The following PFKFB1 variants were observed in gnomAD, a reference collection of about 807,000 sequenced individuals.
PFKFB1 encodes the protein 6-phosphofructo-2-kinase/fructose-2,6-bisphosphatase 1.
PFKFB1 carries 34 observed loss-of-function variants against 46.4 expected under a neutral mutation model. That is an observed-to-expected ratio of 0.73 (90% CI 0.56 to 0.98). The LOEUF (loss-of-function observed/expected upper bound fraction) is 0.98, where lower values mean the gene tolerates loss of function less well. Among genes scored for constraint, PFKFB1 ranks in the 50% least tolerant of loss-of-function variants. PFKFB1 has a pLI of 0.00. For missense variants in PFKFB1, 393 were observed against 376.3 expected (o/e 1.04, Z -0.37); for synonymous variants, 119 against 133.8 (o/e 0.89, Z 0.76).
intron 10 of PFKFB1, among the ~76,000 whole-genome samples, chrX:54,940,698 C>T (rs1209616109): frequency 4.5e-5 from 5 of 111,036 alleles, no homozygotes; most frequent in African/African-American, 6.6e-5. Context: ...TGTGAAGGAC[C>T]TCTTCAAGGA....
intron 1 of PFKFB1, among the ~76,000 whole-genome samples, chrX:54,988,465 A>T (rs1935160260): frequency 8.9e-6 from 1 of 111,864 alleles, no homozygotes; most frequent in South Asian, 3.7e-4. Context: ...CTTTGCAGAA[A>T]TTAATAAATT....
At chrX:54,973,671 G>A (rs1602214269) in intron 1 of PFKFB1, among the ~76,000 whole-genome samples, 1 of 111,148 alleles carries the variant, frequency 9.0e-6, no homozygotes, top group East Asian at 2.8e-4. Flanking sequence ...TCTTAATCCT[G>A]AGTTCTAGTT....
At chrX:54,962,453 G>C (rs1368213045) in intron 2 of PFKFB1, among the ~76,000 whole-genome samples, 1 of 112,381 alleles carries the variant, frequency 8.9e-6, no homozygotes, top group African/African-American at 3.2e-5. Flanking sequence ...ACTCCTCAAG[G>C]ACAGGGTGTG....
At chrX:54,962,998 G>C (rs893690066) in intron 2 of PFKFB1, among the ~76,000 whole-genome samples, 1 of 112,355 alleles carries the variant, frequency 8.9e-6, no homozygotes, top group Non-Finnish European at 1.9e-5. Context: ...TGAGGTCATG[G>C]AACTTCTTGA....
chrX:54,994,993 A>C, upstream of PFKFB1: 1 of 257,030 alleles, frequency 3.9e-6, no homozygotes, highest in Non-Finnish European at 5.4e-6. Flanking sequence ...AAAGTTCCTC[A>C]TGCCAAGCTA....
At chrX:54,956,708 C>T (rs942513947) in intron 6 of PFKFB1, among the ~76,000 whole-genome samples, 2 of 110,465 alleles carry the variant, frequency 1.8e-5, no homozygotes, top group Admixed American at 9.7e-5. Flanking sequence ...CCAATACCCA[C>T]GTCTCCTCCC....
chrX:54,933,950 T>A (rs1271067734), intron 12 of PFKFB1, 65 bp from the exon 13 acceptor site: 1 of 851,468 alleles, frequency 1.2e-6, no homozygotes, highest in East Asian at 3.1e-5. Flanking sequence ...CCCTGAGGTA[T>A]CACCTCCCCT....
At chrX:54,996,239 T>A (rs1380195100), upstream of PFKFB1, among the ~76,000 whole-genome samples, 1 of 112,301 alleles carries the variant, frequency 8.9e-6, no homozygotes, top group Non-Finnish European at 1.9e-5. Context: ...TCTGTTAATA[T>A]TAATAATCTT....
In PFKFB1 at chrX:54,974,056, T is replaced by C. The variant is rs773937219; in HGVS notation, c.98-10674A>G. ...TGTCTATTCTCCCCAAAGTGACCTA[T>C]ATACGTAACACAATACCAATAAAAA... is the stretch of plus-strand genomic sequence containing the variant. On this transcript the variant is annotated intron_variant, in intron 1 of 13. Transcript: ENST00000375006. Among the ~76,000 whole-genome samples, 3 of 111,565 alleles carry C rather than the reference T, an allele frequency of 2.7e-5. No individual in the cohort carries two copies. In the East Asian group the frequency reaches 8.5e-4, roughly 31 times the overall value.
At chrX:54,938,443 G>C (rs1450830133) in intron 10 of PFKFB1, among the ~76,000 whole-genome samples, 4 of 111,684 alleles carry the variant, frequency 3.6e-5, no homozygotes, top group Non-Finnish European at 7.5e-5. Flanking sequence ...AAAAGATACA[G>C]ACTGGCAAAT....
intron 1 of PFKFB1, among the ~76,000 whole-genome samples, chrX:54,968,362 C>A (rs1366957054): frequency 9.5e-6 from 1 of 105,393 alleles, no homozygotes; most frequent in East Asian, 3.1e-4. Flanking sequence ...GGGAGATATA[C>A]CTAATGATAG....
At chrX:54,943,757 T>A (rs754121569) in intron 10 of PFKFB1, among the ~76,000 whole-genome samples, 5 of 103,185 alleles carry the variant, frequency 4.8e-5, no homozygotes, top group South Asian at 8.2e-4. Flanking sequence ...TCTCAAAAAA[T>A]AAATAAATAA....
At chrX:54,989,574 C>A (rs1935189963) in intron 1 of PFKFB1, among the ~76,000 whole-genome samples, 1 of 112,025 alleles carries the variant, frequency 8.9e-6, no homozygotes, top group Admixed American at 9.5e-5. Flanking sequence ...ACAAACACAA[C>A]TTAATCGAGG....
At chrX:54,945,305 C>T in intron 10 of PFKFB1, 134 bp downstream of exon 10, 1 of 404,844 alleles carries the variant, frequency 2.5e-6, no homozygotes, top group Non-Finnish European at 4.3e-6. Flanking sequence ...AATCATGTGC[C>T]TTGTGGGATG....
intron 1 of PFKFB1, among the ~76,000 whole-genome samples, chrX:54,991,402 G>A (rs1246957683): frequency 9.0e-6 from 1 of 110,974 alleles, no homozygotes; most frequent in Non-Finnish European, 1.9e-5. Flanking sequence ...CTGAATATAT[G>A]GAGTGATATA....
At chrX:54,939,783 G>A (rs1933549684) in intron 10 of PFKFB1, among the ~76,000 whole-genome samples, 1 of 111,941 alleles carries the variant, frequency 8.9e-6, no homozygotes, top group African/African-American at 3.3e-5. Context: ...TCCAGGACCA[G>A]ATGGATTCAC....
chrX:54,946,591 C>T (rs1933819928), intron 9 of PFKFB1, among the ~76,000 whole-genome samples: 1 of 111,699 alleles, frequency 9.0e-6, no homozygotes, highest in Non-Finnish European at 1.9e-5. Flanking sequence ...CTTCTCCAAC[C>T]CACACTGCCC....
rs746042228 is a variant in PFKFB1 at position 54,933,456 on chromosome X, C to G, written c.1363G>C (p.Asp455His). 5.0e-6 allele frequency: 6 copies of G among 1,205,396 alleles called. No individual in the cohort carries two copies. The East Asian group carries it at 1.8e-4, about 36-fold the overall frequency. Residue 455 changes from aspartate (D) to histidine (H), a missense_variant, in exon 14 of 14, where the codon GAC (aspartate) becomes CAC (histidine). Asp to His is a moderately conservative substitution (Grantham distance 81, BLOSUM62 -1). Coordinates refer to ENST00000375006, the MANE Select transcript of PFKFB1 (RefSeq NM_002625.4). ...NTHREKPENV[D>H]ITREPEEALD... ...GCTTCCTCAGGTTCCCGGGTGATGT[C>G]CACATTCTGAGGAGAGAGCGCAGGA...
intron 2 of PFKFB1, 71 bp from the exon 3 acceptor site, chrX:54,960,988 G>A: frequency 1.7e-6 from 1 of 602,215 alleles, no homozygotes; most frequent in Non-Finnish European, 2.7e-6. Flanking sequence ...TTGCTGGGAG[G>A]GACCTCAGAG....
Sources: allele counts gnomAD v4.1 joint callset (sites outside exome capture counted in the v4.1 genomes callset), GRCh38; gene constraint gnomAD v4.1.1; transcripts MANE v1.5; gene names NCBI Gene and HGNC (gene_info 2026-07-23, HGNC 2026-07-21).